Variants in USP47 observed in about 807,000 individuals in gnomAD.
USP47 encodes the protein ubiquitin carboxyl-terminal hydrolase 47.
USP47 carries 35 observed loss-of-function variants against 165.1 expected under a neutral mutation model. The ratio of observed to expected loss-of-function variants is 0.21; its 90% confidence interval spans 0.16 to 0.28. The LOEUF is 0.28. Among genes scored for constraint, USP47 ranks in the 10% least tolerant of loss-of-function variants. The pLI is 1.00. For synonymous variants in USP47, 531 were observed against 544.5 expected (o/e 0.98, Z 0.35); for missense variants, 1,277 against 1,607.4 (o/e 0.79, Z 3.52).
At chr11:11,860,547 ACT>A (rs1200930890) in intron 1 of USP47, among the ~76,000 whole-genome samples, 6 of 152,224 alleles carry the variant, frequency 3.9e-5, no homozygotes, top group Non-Finnish European at 8.8e-5. Context: ...CTTAAGAATT[ACT>A]GTCCATGCTT....
chr11:11,909,611 A>G (rs1852816205), intron 8 of USP47, among the ~76,000 whole-genome samples: 1 of 151,900 alleles, frequency 6.6e-6, no homozygotes. Flanking sequence ...TTTAGGGCCT[A>G]CTCTATGGCA....
At chr11:11,947,286 G>A (rs991844040) in intron 20 of USP47, among the ~76,000 whole-genome samples, 7 of 152,198 alleles carry the variant, frequency 4.6e-5, no homozygotes, top group Admixed American at 3.3e-4. Context: ...AATTTAAGCC[G>A]GGAAGAGGTA....
In USP47 at chr11:11,942,522, A is replaced by G. The variant is rs202084044; in HGVS notation, c.2501A>G (p.Asp834Gly). ...GGAGGCGATTCTGGTAATGTGGATG[A>G]TGACTGTGAAAGAGTCAAAGGACCT... is the stretch of plus-strand genomic sequence containing the variant. ...KAGGDSGNVD[D>G]DCERVKGPVG... is the part of the protein sequence containing the mutation. The change falls in exon 20 of 28, where the codon GAT becomes GGT. Residue 834 changes from aspartate (D) to glycine (G), a missense_variant. Asp to Gly is a moderately conservative substitution (Grantham distance 94). Around this residue, in one of 4 missense-constraint regions of USP47, gnomAD observed 909 missense variants for 1,068.1 expected, o/e 0.85. Transcript: ENST00000527733. 2.3e-3 allele frequency: 3,785 copies of G among 1,613,522 alleles called. 7 individuals carry two copies. Among genetic ancestry groups the G allele is most frequent in the Non-Finnish European group, 3.1e-3 (3,675 of 1,179,780 alleles).
chr11:11,866,081 T>C (rs890673574), intron 1 of USP47, among the ~76,000 whole-genome samples: 4 of 152,202 alleles, frequency 2.6e-5, no homozygotes, highest in African/African-American at 9.7e-5. Flanking sequence ...AAGAAATCAT[T>C]GCCAAATCCA....
At chr11:11,932,963 G>A (rs752017946) in intron 14 of USP47, 41 bp from the exon 15 acceptor site, 1 of 1,521,110 alleles carries the variant, frequency 6.6e-7, no homozygotes, top group East Asian at 2.3e-5. Flanking sequence ...AGGCAGCTCA[G>A]TTTCAGTGAC....
chr11:11,845,596 T>TG (rs1311817835), intron 1 of USP47, among the ~76,000 whole-genome samples: 1 of 152,190 alleles, frequency 6.6e-6, no homozygotes, highest in East Asian at 1.9e-4. Context: ...CTTTGCTTTT[T>TG]GTTTTTGTAG....
chr11:11,901,795 C>G (rs1481588678), intron 5 of USP47, among the ~76,000 whole-genome samples: 1 of 151,754 alleles, frequency 6.6e-6, no homozygotes, highest in Non-Finnish European at 1.5e-5. Context: ...CCAGTCTCTA[C>G]TAAAAATAGA....
intron 1 of USP47, among the ~76,000 whole-genome samples, chr11:11,845,562 CA>C (rs1337211776): frequency 4.6e-5 from 7 of 152,002 alleles, no homozygotes; most frequent in African/African-American, 1.7e-4. Context: ...TCCTTGACAG[CA>C]AAGACTTGGT....
chr11:11,930,123 A>G lies in USP47; in HGVS notation c.1595+3A>G, dbSNP rs1403903819. The G allele has an allele frequency of 1.2e-6, 2 of 1,610,420 alleles. No homozygotes were observed. The highest frequency in any genetic ancestry group is 2.2e-5 in the South Asian group (2 of 90,944). ...TATTATTCTAGTGCTTTCGCAAGGT[A>G]AGCAATTTCCTAATTTTCAGTGTTT... On this transcript the variant is annotated splice_donor_region_variant and intron_variant, in intron 13 of 27. Transcript: ENST00000527733.
rs1856558241 is a variant in USP47 at position 11,956,345 on chromosome 11, T to C, written c.*170T>C. 7 of 557,958 alleles carry C rather than the reference T, an allele frequency of 1.3e-5. No homozygotes were observed. In the Admixed American group the frequency reaches 2.6e-4, roughly 21 times the overall value. 34.6% of individuals were successfully genotyped at this position (557,958 alleles called of 1,614,324 possible). ...GCTCAGTGCCCAATGGGCCACTGTT[T>C]TGACTCGGAATCATGTTGTGCACTA... On this transcript the variant is annotated 3_prime_UTR_variant, in exon 28 of 28. Coordinates refer to ENST00000527733, the MANE Select transcript of USP47 (RefSeq NM_001282659.2).
At chr11:11,871,524 AAAAAAAAAAAAAAAG>A (rs549884170) in intron 1 of USP47, among the ~76,000 whole-genome samples, 7 of 124,578 alleles carry the variant, frequency 5.6e-5, no homozygotes, top group African/African-American at 8.9e-5. Flanking sequence ...AAAAAAAAAA[AAAAAAAAAAAAAAAG>A]AATTCTGGTT....
Position 11,950,434 on chromosome 11 carries a change from G to T in USP47, c.3535G>T (p.Asp1179Tyr), listed in dbSNP as rs566211922. Reference sequence around the variant, plus strand: ...TTTGGATTATCATATTTATGAAGAAGATATTAATATTTCCAGCAACTGGGA... The same window carrying T: ...TTTGGATTATCATATTTATGAAGAATATATTAATATTTCCAGCAACTGGGA... ...VFLDYHIYEEDINISSNWEVF... is the reference protein window; with the variant it reads ...VFLDYHIYEEYINISSNWEVF... Residue 1179 changes from aspartate (D) to tyrosine (Y), a missense_variant, in exon 24 of 28, where the codon GAT (aspartate) becomes TAT (tyrosine). Coordinates refer to ENST00000527733, the MANE Select transcript of USP47 (RefSeq NM_001282659.2). 1.9e-6 allele frequency: 3 copies of T among 1,606,528 alleles called. No individual in the cohort carries two copies. Among genetic ancestry groups the T allele is most frequent in the East Asian group, 4.5e-5 (2 of 44,544 alleles).
chr11:11,946,443 C>T (rs1416409714), intron 20 of USP47, among the ~76,000 whole-genome samples: 2 of 152,138 alleles, frequency 1.3e-5, no homozygotes, highest in Non-Finnish European at 2.9e-5. Flanking sequence ...GCAATAAAAG[C>T]TTGTATTTGA....
chr11:11,902,774 G>A lies in USP47; in HGVS notation c.653G>A (p.Arg218Lys). ...PVTSIPYQLQRLFVLLQTSKK... is the reference protein window; with the variant it reads ...PVTSIPYQLQKLFVLLQTSKK... Reference sequence around the variant, plus strand: ...ACAAGTATTCCATACCAACTTCAAAGGCTTTTTGTTTTGTTACAAACCAGC... The same window carrying A: ...ACAAGTATTCCATACCAACTTCAAAAGCTTTTTGTTTTGTTACAAACCAGC... The change falls in exon 6 of 28, where the codon AGG becomes AAG. Residue 218 changes from arginine (R) to lysine (K), a missense_variant. By Grantham distance (26) the Arg-to-Lys change is conservative. Coordinates refer to ENST00000527733, the MANE Select transcript of USP47 (RefSeq NM_001282659.2). 6.2e-7 allele frequency: 1 copy of A among 1,602,060 alleles called. No homozygotes were observed. The highest frequency in any genetic ancestry group is 8.5e-7 in the Non-Finnish European group (1 of 1,173,496).
intron 1 of USP47, among the ~76,000 whole-genome samples, chr11:11,845,727 A>G (rs908077126): frequency 2.4e-4 from 37 of 152,184 alleles, no homozygotes; most frequent in African/African-American, 8.7e-4. Flanking sequence ...CTGTCCTTGG[A>G]GGTTTTCCAC....
At chr11:11,905,249 TAATA>T (rs1852485010) in intron 7 of USP47, 146 bp from the exon 8 acceptor site, 9 of 253,860 alleles carry the variant, frequency 3.5e-5, no homozygotes, top group Admixed American at 5.7e-5. Flanking sequence ...TAATATATAA[TAATA>T]AATATAGATA....
At chr11:11,900,220 G>A (rs958107052) in intron 5 of USP47, among the ~76,000 whole-genome samples, 1 of 145,782 alleles carries the variant, frequency 6.9e-6, no homozygotes, top group African/African-American at 2.6e-5. Flanking sequence ...GTGCAGTGGC[G>A]CGATCTCGGC....
At chr11:11,902,624 A>G in intron 5 of USP47, 91 bp from the exon 6 acceptor site, 1 of 997,840 alleles carries the variant, frequency 1.0e-6, no homozygotes, top group Non-Finnish European at 1.4e-6. Flanking sequence ...TCCAGGATTA[A>G]AATCTTACAT....
chr11:11,916,584 A>G (rs1373061946), intron 8 of USP47, among the ~76,000 whole-genome samples: 1 of 152,170 alleles, frequency 6.6e-6, no homozygotes, highest in Non-Finnish European at 1.5e-5. Flanking sequence ...TGCTCAAGAG[A>G]AAATAGAAAG....
Sources: gnomAD v4.1 joint callset for allele counts (sites outside exome capture counted in the v4.1 genomes callset) on GRCh38, gnomAD v4.1.1 for gene constraint, gnomAD v4.1.1 regional missense constraint, MANE v1.5 for transcripts, NCBI Gene and HGNC (gene_info 2026-07-23, HGNC 2026-07-21) for gene names.